Variants in PRRG4 observed in about 807,000 individuals in gnomAD.
The protein encoded by PRRG4 is transmembrane gamma-carboxyglutamic acid protein 4.
PRRG4 carries 12 observed loss-of-function variants against 20.0 expected under a neutral mutation model. The ratio of observed to expected loss-of-function variants is 0.60; its 90% CI spans 0.38 to 0.97. The LOEUF (loss-of-function observed/expected upper bound fraction) is 0.97. Ranked by LOEUF, PRRG4 falls within the 50% of genes least tolerant of loss-of-function variation. The probability of loss-of-function intolerance (pLI) is 0.00; values close to 1 mark genes in which losing one functional copy is unlikely to be tolerated. For missense variants in PRRG4, 199 were observed against 265.1 expected, an observed-to-expected ratio of 0.75 and a Z score of 1.73; for synonymous variants, 94 against 96.4, an observed-to-expected ratio of 0.98 and a Z score of 0.15.
intron 5 of PRRG4, among the ~76,000 whole-genome samples, chr11:32,849,556 C>T (rs1373913385): frequency 6.6e-6 from 1 of 151,960 alleles, no homozygotes; most frequent in East Asian, 1.9e-4. Context: ...CCCAGCTACT[C>T]AGGAGGCTGA....
At chr11:32,850,616 A>G (rs1261543427) in intron 5 of PRRG4, among the ~76,000 whole-genome samples, 1 of 152,210 alleles carries the variant, frequency 6.6e-6, no homozygotes, top group East Asian at 1.9e-4. Flanking sequence ...AATACTTACT[A>G]AAGTACTTTT....
intron 5 of PRRG4, among the ~76,000 whole-genome samples, chr11:32,849,491 C>T (rs1314106490): frequency 1.8e-4 from 27 of 151,912 alleles, no homozygotes; most frequent in Admixed American, 1.8e-3. Context: ...AGTGAAACCC[C>T]GTCTCTACTA....
chr11:32,835,773 G>C (rs1851014285), intron 2 of PRRG4, among the ~76,000 whole-genome samples: 1 of 152,116 alleles, frequency 6.6e-6, no homozygotes, highest in Non-Finnish European at 1.5e-5. Context: ...GCATAAACTT[G>C]AATACAGCAA....
chr11:32,848,592 T>C (rs369424276), intron 5 of PRRG4, among the ~76,000 whole-genome samples: 4 of 151,402 alleles, frequency 2.6e-5, no homozygotes, highest in South Asian at 4.2e-4. Context: ...TTATATATTG[T>C]ATATAATATG....
chr11:32,837,614 G>C (rs1391761572), intron 3 of PRRG4, among the ~76,000 whole-genome samples: 1 of 150,436 alleles, frequency 6.6e-6, no homozygotes, highest in Admixed American at 6.7e-5. Flanking sequence ...CTGGAGTGCA[G>C]TGGAGCAATC....
intron 5 of PRRG4, among the ~76,000 whole-genome samples, chr11:32,841,385 G>A (rs1048633480): frequency 5.3e-5 from 8 of 152,204 alleles, no homozygotes; most frequent in Non-Finnish European, 1.5e-5. Context: ...AAAAATGTCA[G>A]TGTCATGAAA....
chr11:32,830,621 CG>C lies in PRRG4; in HGVS notation c.95del (p.Gly32GlufsTer34). 1 of 1,613,660 alleles carries C rather than the reference CG, an allele frequency of 6.2e-7. No homozygotes were observed. The highest frequency in any genetic ancestry group is 8.5e-7 in the Non-Finnish European group (1 of 1,179,844). The part of the protein sequence containing the change: ...CARGPKASKH[A>X]GEEVFTSKEE... ...AGAGGTCCAAAGGCTTCTAAGCATG[CG>C]GGAGAAGAAGGTAAGCACTAAAACG... is the stretch of plus-strand genomic sequence containing the variant. On this transcript the variant is annotated frameshift_variant, in exon 2 of 6. Transcript: ENST00000257836. LOFTEE classifies it high-confidence loss of function.
rs570532671 is a variant in PRRG4 at position 32,853,806 on chromosome 11, C to T, written c.*279C>T. On this transcript the variant is annotated 3_prime_UTR_variant, in exon 6 of 6. Coordinates refer to ENST00000257836, the MANE Select transcript of PRRG4 (RefSeq NM_024081.6). ...TCACGCCACTGCATTCCAGCCTGGG[C>T]GACAGAGCAAGACTCCATCTCAAAA... is the stretch of plus-strand genomic sequence containing the variant. 46 of 269,748 alleles carry T rather than the reference C, an allele frequency of 1.7e-4. No homozygotes were observed. The South Asian group carries it at 1.7e-3, about 10-fold the overall frequency. 16.7% of individuals were successfully genotyped at this position (269,748 alleles called of 1,614,324 possible). A position where few individuals can be genotyped will look rare whatever the true frequency, so the allele number is the denominator to read the frequency against.
chr11:32,842,119 T>C (rs1851084997), intron 5 of PRRG4, among the ~76,000 whole-genome samples: 1 of 152,140 alleles, frequency 6.6e-6, no homozygotes, highest in Admixed American at 6.5e-5. Flanking sequence ...ACTGTTTAAT[T>C]GGTTTAAAGT....
At chr11:32,843,135 G>C (rs996402278) in intron 5 of PRRG4, among the ~76,000 whole-genome samples, 10 of 152,082 alleles carry the variant, frequency 6.6e-5, no homozygotes, top group Non-Finnish European at 1.2e-4. Context: ...GAGCCACCGT[G>C]CCCAGCCAGA....
intron 2 of PRRG4, among the ~76,000 whole-genome samples, chr11:32,833,506 A>T (rs1850993076): frequency 6.6e-6 from 1 of 152,226 alleles, no homozygotes; most frequent in Admixed American, 6.5e-5. Flanking sequence ...TTTGAGAAGT[A>T]TACAGAGGCA....
In PRRG4 at chr11:32,849,284, G is replaced by A. The variant is rs146847659; in HGVS notation, c.450-4012G>A. Among the ~76,000 whole-genome samples the A allele has an allele frequency of 8.6e-5, 13 of 151,886 alleles. 1 individual carries two copies. The South Asian group carries it at 1.3e-3, about 15-fold the overall frequency. On this transcript the variant is annotated intron_variant, in intron 5 of 5. Transcript: ENST00000257836. ...CTGAGGTGCGAGAATTGATTGAGCCGGGGAGATTGAAGTTGCAGTGAGCCA... is the reference window on the plus strand; with the variant it reads ...CTGAGGTGCGAGAATTGATTGAGCCAGGGAGATTGAAGTTGCAGTGAGCCA...
chr11:32,832,742 C>T (rs1275505839), intron 2 of PRRG4, among the ~76,000 whole-genome samples: 5 of 152,162 alleles, frequency 3.3e-5, no homozygotes. Context: ...CTCGGCCTCC[C>T]GAAGGGCTGG....
Position 32,837,789 on chromosome 11 carries a change from CTCAGGCAGTCCATCTCCA to C in PRRG4, c.267+971_267+988del, listed in dbSNP as rs369788752. On this transcript the variant is annotated intron_variant, in intron 3 of 5. Transcript: ENST00000257836. ...CCCAGGCTGGTCTCAAACACCTGAG[CTCAGGCAGTCCATCTCCA>C]TCGGCCTAACAAAGTGCTAGGATTA... Among the ~76,000 whole-genome samples the C allele has an allele frequency of 5.5e-4, 84 of 152,088 alleles. No homozygotes were observed. The East Asian group carries it at 0.014, about 25-fold the overall frequency.
At chr11:32,844,467 CTAT>C (rs148170116) in intron 5 of PRRG4, among the ~76,000 whole-genome samples, 5,114 of 143,098 alleles carry the variant, frequency 0.036, 183 homozygotes, top group African/African-American at 0.09. Context: ...TAAATGTTAG[CTAT>C]TATTATTATT....
rs1851062886 is a variant in PRRG4, at chr11:32,840,009, G to T, written c.317-98G>T. On this transcript the variant is annotated intron_variant, in intron 4 of 5. Coordinates refer to ENST00000257836, the MANE Select transcript of PRRG4 (RefSeq NM_024081.6). The surrounding 1 kb of genome is among the most constrained non-coding windows in gnomAD (Gnocchi z 4.1). Reference sequence around the variant, plus strand: ...AAGAAGTCAACATCAATGATTAGATGCTGTATAATGTGTTTAGAACCAGGA... The same window carrying T: ...AAGAAGTCAACATCAATGATTAGATTCTGTATAATGTGTTTAGAACCAGGA... 2 of 796,660 alleles carry T rather than the reference G, an allele frequency of 2.5e-6. No homozygotes were observed. Among genetic ancestry groups the T allele is most frequent in the Admixed American group, 5.0e-5 (2 of 40,182 alleles). The allele number at this position is 796,660 out of a possible 1,614,324, so 49.3% of individuals were successfully genotyped here. A position where few individuals can be genotyped will look rare whatever the true frequency, so the allele number is the denominator to read the frequency against.
At position 32,853,828 on chromosome 11, in the gene PRRG4, A is replaced by G. The variant is rs1590681751; in HGVS notation, c.*301A>G. 5.2e-6 allele frequency: 1 copy of G among 193,812 alleles called. No homozygotes were observed. Among genetic ancestry groups the G allele is most frequent in the East Asian group, 1.2e-4 (1 of 8,390 alleles). The allele number at this position is 193,812 out of a possible 1,614,324, so 12.0% of individuals were successfully genotyped here. On this transcript the variant is annotated 3_prime_UTR_variant, in exon 6 of 6. Coordinates refer to ENST00000257836, the MANE Select transcript of PRRG4 (RefSeq NM_024081.6). Reference sequence around the variant, plus strand: ...GGGCGACAGAGCAAGACTCCATCTCAAAAATAAAATAAAAAAAGAAAGAAA... The same window carrying G: ...GGGCGACAGAGCAAGACTCCATCTCGAAAATAAAATAAAAAAAGAAAGAAA...
intron 5 of PRRG4, among the ~76,000 whole-genome samples, chr11:32,841,284 A>G (rs1017057252): frequency 1.3e-5 from 2 of 152,218 alleles, no homozygotes; most frequent in Non-Finnish European, 2.9e-5. Flanking sequence ...CATATATATT[A>G]GAAGACTCTT....
chr11:32,857,255 A>C lies in PRRG4; in HGVS notation c.*3728A>C, dbSNP rs548748704. The C allele has an allele frequency of 6.6e-6, 1 of 150,492 alleles. No homozygotes were observed. Among genetic ancestry groups the C allele is most frequent in the African/African-American group, 2.5e-5 (1 of 40,772 alleles). The allele number at this position is 150,492 out of a possible 1,614,324, so 9.3% of individuals were successfully genotyped here. ...CAACCTCCGCCTCCCAGGTTCAAGG[A>C]TTTCTCCTGCCTCAGCCTCCTGAGT... On this transcript the variant is annotated 3_prime_UTR_variant, in exon 6 of 6. Transcript: ENST00000257836.
Sources: allele counts gnomAD v4.1 joint callset (sites outside exome capture counted in the v4.1 genomes callset), GRCh38; gene constraint gnomAD v4.1.1; non-coding constraint Gnocchi (gnomAD v3.1); transcripts MANE v1.5; gene names NCBI Gene and HGNC (gene_info 2026-07-23, HGNC 2026-07-21).